Variants in SEMA3A observed in about 807,000 individuals in gnomAD.
The protein encoded by SEMA3A is semaphorin 3A, also known as semaphorin-3A.
SEMA3A carries 29 observed loss-of-function variants against 97.9 expected under a neutral mutation model. That is an observed-to-expected ratio of 0.30 (90% CI 0.22 to 0.40). The LOEUF (loss-of-function observed/expected upper bound fraction) is 0.40, where lower values mean the gene tolerates loss of function less well. SEMA3A is among the 10% of genes least tolerant of loss of function. SEMA3A has a pLI of 1.00. For missense variants in SEMA3A, 763 were observed against 951.3 expected, an observed-to-expected ratio of 0.80 and a Z score of 2.60; for synonymous variants, 321 against 323.7, an observed-to-expected ratio of 0.99 and a Z score of 0.09.
intron 3 of SEMA3A, among the ~76,000 whole-genome samples, chr7:84,215,724 A>T (rs964859988): frequency 9.2e-5 from 14 of 152,254 alleles, no homozygotes; most frequent in Non-Finnish European, 1.5e-4. Context: ...TGCCTGGGAC[A>T]TAGTAGGTAT....
chr7:84,062,463 G>C (rs914485634), intron 4 of SEMA3A, among the ~76,000 whole-genome samples: 1 of 152,232 alleles, frequency 6.6e-6, no homozygotes, highest in African/African-American at 2.4e-5. Flanking sequence ...CTCCCAGAGT[G>C]AGCGACGCAG....
chr7:84,375,738 A>G (rs1166204532), intron 1 of SEMA3A, among the ~76,000 whole-genome samples: 2 of 152,166 alleles, frequency 1.3e-5, no homozygotes, highest in Non-Finnish European at 2.9e-5. Context: ...TACCAAAAAA[A>G]GTTAACTGTA....
intron 3 of SEMA3A, among the ~76,000 whole-genome samples, chr7:84,252,060 T>G (rs1799622933): frequency 6.6e-6 from 1 of 152,160 alleles, no homozygotes; most frequent in Admixed American, 6.5e-5. Context: ...GTCAAAATGA[T>G]GTAAATTTGA....
At chr7:84,466,964 T>C (rs1455461462) in intron 1 of SEMA3A, among the ~76,000 whole-genome samples, 1 of 152,078 alleles carries the variant, frequency 6.6e-6, no homozygotes. Context: ...CCATAAATAG[T>C]TTCAAACTGG....
chr7:84,083,064 G>A (rs1310025010), intron 4 of SEMA3A, among the ~76,000 whole-genome samples: 1 of 151,760 alleles, frequency 6.6e-6, no homozygotes, highest in African/African-American at 2.4e-5. Context: ...TTGTCAAAAT[G>A]TAAACCAGGC....
chr7:84,419,949 ATGATACTAGC>A (rs1562940681), intron 1 of SEMA3A, among the ~76,000 whole-genome samples: 1 of 152,176 alleles, frequency 6.6e-6, no homozygotes, highest in African/African-American at 2.4e-5. Context: ...AATTTCTGCC[ATGATACTAGC>A]TGAACACACG....
chr7:84,050,824 A>C (rs1792596698), intron 5 of SEMA3A, among the ~76,000 whole-genome samples: 1 of 151,984 alleles, frequency 6.6e-6, no homozygotes, highest in African/African-American at 2.4e-5. Context: ...GTTTTCTTCT[A>C]GGGTTTTTAT....
chr7:84,305,820 A>G (rs1268577253), intron 3 of SEMA3A, among the ~76,000 whole-genome samples: 1 of 151,978 alleles, frequency 6.6e-6, no homozygotes, highest in African/African-American at 2.4e-5. Context: ...CTTTGTGTGT[A>G]TGATGCACTC....
intron 3 of SEMA3A, among the ~76,000 whole-genome samples, chr7:84,299,502 C>T (rs1328074433): frequency 6.6e-6 from 1 of 151,228 alleles, no homozygotes; most frequent in Non-Finnish European, 1.5e-5. Context: ...TAATAATCCA[C>T]AAAACACCCT....
intron 3 of SEMA3A, among the ~76,000 whole-genome samples, chr7:84,248,649 A>T (rs1249136209): frequency 6.6e-6 from 1 of 152,130 alleles, no homozygotes; most frequent in Non-Finnish European, 1.5e-5. Flanking sequence ...AATAAACAGC[A>T]CGTCAGTGAT....
intron 6 of SEMA3A, among the ~76,000 whole-genome samples, chr7:84,030,655 CAT>C (rs150306123): frequency 0.05 from 7,536 of 152,134 alleles, 622 homozygotes; most frequent in African/African-American, 0.17. Context: ...CTCATATACA[CAT>C]ATATGTTTTT....
intron 2 of SEMA3A, among the ~76,000 whole-genome samples, chr7:84,348,609 G>GA (rs1469872915): frequency 1.3e-5 from 2 of 152,188 alleles, no homozygotes; most frequent in Non-Finnish European, 2.9e-5. Flanking sequence ...TAAATATAGT[G>GA]ATAAAAGTCA....
At chr7:84,027,155 A>G (rs1191409638) in intron 6 of SEMA3A, among the ~76,000 whole-genome samples, 1 of 152,196 alleles carries the variant, frequency 6.6e-6, no homozygotes, top group Admixed American at 6.5e-5. Context: ...TTCATTGACT[A>G]AGCAAATTCA....
chr7:84,183,551 T>C (rs34843693), intron 1 of SEMA3A, among the ~76,000 whole-genome samples: 9,603 of 147,902 alleles, frequency 0.065, 348 homozygotes, highest in Middle Eastern at 0.1. Context: ...TTTGCCCACT[T>C]GTGCTTCATC....
At chr7:84,143,945 T>TAA (rs1460909365) in intron 1 of SEMA3A, among the ~76,000 whole-genome samples, 37 of 110,332 alleles carry the variant, frequency 3.4e-4, no homozygotes, top group Middle Eastern at 5.0e-3. Flanking sequence ...TCTCTCTCTC[T>TAA]CTCTAACACA....
intron 3 of SEMA3A, among the ~76,000 whole-genome samples, chr7:84,256,393 G>C (rs1799721782): frequency 6.6e-6 from 1 of 151,970 alleles, no homozygotes; most frequent in African/African-American, 2.4e-5. Flanking sequence ...CAACTGCTCT[G>C]AGACTTAGAG....
chr7:84,026,939 C>G (rs971876822), intron 6 of SEMA3A, among the ~76,000 whole-genome samples: 2 of 151,960 alleles, frequency 1.3e-5, no homozygotes, highest in Non-Finnish European at 2.9e-5. Flanking sequence ...GTACAACAAA[C>G]CCCTGTGACA....
chr7:84,427,709 G>A (rs1286749200), intron 1 of SEMA3A, among the ~76,000 whole-genome samples: 1 of 133,954 alleles, frequency 7.5e-6, no homozygotes, highest in Non-Finnish European at 1.6e-5. Context: ...GTTTTTTTAT[G>A]TATTACCCTT....
intron 3 of SEMA3A, among the ~76,000 whole-genome samples, chr7:84,121,181 T>C (rs1011091115): frequency 6.6e-6 from 1 of 152,150 alleles, no homozygotes; most frequent in African/African-American, 2.4e-5. Context: ...CGTAACTGTA[T>C]AAACAGCTTT....
Sources: gnomAD v4.1 joint callset for allele counts (sites outside exome capture counted in the v4.1 genomes callset) on GRCh38, gnomAD v4.1.1 for gene constraint, MANE v1.5 for transcripts, NCBI Gene and HGNC (gene_info 2026-07-23, HGNC 2026-07-21) for gene names.